Variants in RNF17 observed in about 807,000 individuals in gnomAD.
RNF17 encodes spermatogenesis associated 23.
A neutral mutation model predicts 200.5 loss-of-function variants in RNF17; 31 were observed. The observed-to-expected ratio is 0.15, with a 90% CI of 0.12 to 0.21. RNF17 has a LOEUF of 0.21. RNF17 is among the 10% of genes least tolerant of loss of function. The probability of loss-of-function intolerance (pLI) is 1.00; values close to 1 mark genes in which losing one functional copy is unlikely to be tolerated. For missense variants in RNF17, 1,628 were observed against 1,905.1 expected (o/e 0.85, Z 2.71); for synonymous variants, 606 against 637.8 (o/e 0.95, Z 0.75).
At chr13:24,822,582 T>C (rs1232373722) in intron 15 of RNF17, among the ~76,000 whole-genome samples, 1 of 151,970 alleles carries the variant, frequency 6.6e-6, no homozygotes, top group Admixed American at 6.6e-5. Flanking sequence ...CCACCACACC[T>C]GACTAATGTT....
At chr13:24,877,927 T>TC (rs1318319432) in intron 34 of RNF17, among the ~76,000 whole-genome samples, 2 of 152,194 alleles carry the variant, frequency 1.3e-5, no homozygotes, top group African/African-American at 4.8e-5. Flanking sequence ...GCACACAGTG[T>TC]TTTAAAGTTG....
chr13:24,753,627 A>C, the RNF17 span, among the ~76,000 whole-genome samples: 1 of 152,212 alleles, frequency 6.6e-6, no homozygotes, highest in South Asian at 2.1e-4. Flanking sequence ...AGACCAATTA[A>C]GCTAGAGTAG....
At chr13:24,844,030 C>A in intron 20 of RNF17, 59 bp downstream of exon 20, 1 of 550,850 alleles carries the variant, frequency 1.8e-6, no homozygotes, top group Non-Finnish European at 2.8e-6. Flanking sequence ...ATCCTTTATT[C>A]TGTTTCAAAG....
intron 22 of RNF17, among the ~76,000 whole-genome samples, chr13:24,848,516 G>A (rs995742158): frequency 2.2e-4 from 33 of 152,080 alleles, no homozygotes; most frequent in African/African-American, 6.5e-4. Context: ...ACAAAAATTA[G>A]CCAGGTGTGG....
Position 24,784,718 on chromosome 13 carries a change from C to A in RNF17, c.611+2774C>A, listed in dbSNP as rs189017040. Among the ~76,000 whole-genome samples, 318 of 151,540 alleles carry A rather than the reference C, an allele frequency of 2.1e-3. 1 individual carries two copies. The highest frequency in any genetic ancestry group is 7.3e-3 in the African/African-American group (301 of 41,366). On this transcript the variant is annotated intron_variant, in intron 6 of 35. Coordinates refer to ENST00000255324, the MANE Select transcript of RNF17 (RefSeq NM_031277.3). The stretch of plus-strand genomic sequence containing the variant: ...GATTATAGTAATTTGATTCTTTTTC[C>A]TTTTTTTTGATGGATTCTCGCTCTG...
downstream of RNF17, chr13:24,883,176 G>A (rs758698044): frequency 4.3e-6 from 7 of 1,612,930 alleles, no homozygotes; most frequent in East Asian, 2.2e-5. Flanking sequence ...CATGAGGATC[G>A]TCACAGCTCC....
chr13:24,807,032 T>C lies in RNF17; in HGVS notation c.2091+2603T>C, dbSNP rs796862272. Among the ~76,000 whole-genome samples, 41 of 152,008 alleles carry C rather than the reference T, an allele frequency of 2.7e-4. 1 individual carries two copies. The South Asian group carries it at 8.4e-3, about 31-fold the overall frequency. On this transcript the variant is annotated intron_variant, in intron 15 of 35. Transcript: ENST00000255324. ...CATGGTGTATGTGTGCCACATTTTCTTAATCCAGTCTATCATTGTTGGACA... is the reference window on the plus strand; with the variant it reads ...CATGGTGTATGTGTGCCACATTTTCCTAATCCAGTCTATCATTGTTGGACA...
chr13:24,874,022 G>A, intron 32 of RNF17, 92 bp from the exon 33 acceptor site: 4 of 1,285,836 alleles, frequency 3.1e-6, no homozygotes, highest in South Asian at 2.6e-5. Context: ...CAAACATGGG[G>A]TACAAGTAGC....
Position 24,842,098 on chromosome 13 carries a change from A to C in RNF17, c.2540A>C (p.Glu847Ala). 1 of 1,611,150 alleles carries C rather than the reference A, an allele frequency of 6.2e-7. No individual in the cohort carries two copies. The highest frequency in any genetic ancestry group is 1.7e-4 in the Middle Eastern group (1 of 6,060). ...CTTTTCGATTCTCTTGGTGCTCCTG[A>C]AATGACTACTACTAGTATTAATGAC... ...VELFDSLGAPEMTTTSINDQL... is the reference protein window; with the variant it reads ...VELFDSLGAPAMTTTSINDQL... The change falls in exon 19 of 36, where the codon GAA becomes GCA. Residue 847 changes from glutamate to alanine, a missense_variant. Coordinates refer to ENST00000255324, the MANE Select transcript of RNF17 (RefSeq NM_031277.3).
chr13:24,884,221 T>C (rs1405692001), downstream of RNF17: 1 of 1,614,166 alleles, frequency 6.2e-7, no homozygotes, highest in Non-Finnish European at 8.5e-7. Context: ...GTGTGAGTGG[T>C]CTGGGCAGCT....
chr13:24,754,231 T>C, the RNF17 span, among the ~76,000 whole-genome samples: 1 of 152,108 alleles, frequency 6.6e-6, no homozygotes, highest in African/African-American at 2.4e-5. Context: ...ACTGTCTTAG[T>C]TTTGATTCTT....
chr13:24,821,649 TC>T (rs1888068048), intron 15 of RNF17, among the ~76,000 whole-genome samples: 1 of 152,194 alleles, frequency 6.6e-6, no homozygotes, highest in Non-Finnish European at 1.5e-5. Flanking sequence ...GAATTTTTTC[TC>T]CTTAGTTATT....
At position 24,864,955 on chromosome 13, in the gene RNF17, A is replaced by G. The variant is rs765063456; in HGVS notation, c.4058A>G (p.Tyr1353Cys). 6.4e-6 allele frequency: 10 copies of G among 1,568,356 alleles called. No homozygotes were observed. The African/African-American group carries it at 8.2e-5, about 13-fold the overall frequency. ...TCACTTTCTTATTTTATGGCATACT[A>G]TAAATACTGTACTTCTGAACATACT... ...GMSLSYFMAY[Y>C]KYCTSEHTEE... is the part of the protein sequence containing the mutation. The change falls in exon 29 of 36, where the codon TAT (tyrosine) becomes TGT (cysteine). Residue 1353 changes from tyrosine (Y) to cysteine (C), a missense_variant. Transcript: ENST00000255324.
At chr13:24,872,178 T>C (rs1468130527) in intron 32 of RNF17, among the ~76,000 whole-genome samples, 1 of 151,482 alleles carries the variant, frequency 6.6e-6, no homozygotes, top group Non-Finnish European at 1.5e-5. Flanking sequence ...CGGGCTGGTC[T>C]CGAACTCCTG....
chr13:24,802,331 A>G, intron 13 of RNF17, 50 bp from the exon 14 acceptor site: 2 of 1,470,906 alleles, frequency 1.4e-6, no homozygotes, highest in Non-Finnish European at 1.9e-6. Flanking sequence ...ACATTGTAAC[A>G]TTAGCGATAC....
At chr13:24,838,563 G>A (rs1486123343) in intron 18 of RNF17, among the ~76,000 whole-genome samples, 3 of 145,960 alleles carry the variant, frequency 2.1e-5, no homozygotes, top group South Asian at 2.1e-4. Flanking sequence ...CACATAAACA[G>A]AATAAAAAAT....
At chr13:24,802,779 G>T (rs950034879) in intron 14 of RNF17, among the ~76,000 whole-genome samples, 2 of 152,156 alleles carry the variant, frequency 1.3e-5, no homozygotes. Flanking sequence ...GGCTGGGCAG[G>T]GCGTCTCACA....
intron 11 of RNF17, among the ~76,000 whole-genome samples, chr13:24,797,745 T>TGTGTGTGTGTGTGTGTGTGTGTGTG (rs61047281): frequency 2.6e-5 from 4 of 151,412 alleles, no homozygotes; most frequent in Non-Finnish European, 5.9e-5. Context: ...TGTGTGTGTG[T>TGTGTGTGTGTGTGTGTGTGTGTGTG]TTACCCTGCA....
downstream of RNF17, chr13:24,884,082 TTC>T (rs1424058899): frequency 7.0e-6 from 11 of 1,579,476 alleles, no homozygotes; most frequent in Non-Finnish European, 8.6e-6. Flanking sequence ...GGTAATGTTT[TTC>T]TGTTTAAAAA....
Sources: gnomAD v4.1 joint callset for allele counts (sites outside exome capture counted in the v4.1 genomes callset) on GRCh38, gnomAD v4.1.1 for gene constraint, MANE v1.5 for transcripts, NCBI Gene and HGNC (gene_info 2026-07-23, HGNC 2026-07-21) for gene names.